Variants in CFAP61 observed in about 807,000 individuals in gnomAD.
CFAP61 encodes cilia and flagella associated protein 61.
A neutral mutation model predicts 135.6 loss-of-function variants in CFAP61; 107 were observed. The ratio of observed to expected loss-of-function variants is 0.79; its 90% CI spans 0.67 to 0.93. CFAP61 has a LOEUF of 0.93. CFAP61 is among the 40% of genes least tolerant of loss of function. The pLI is 0.00. For synonymous variants in CFAP61, 575 were observed against 578.5 expected, an observed-to-expected ratio of 0.99 and a Z score of 0.09; for missense variants, 1,507 against 1,556.2, an observed-to-expected ratio of 0.97 and a Z score of 0.53.
intron 8 of CFAP61, among the ~76,000 whole-genome samples, chr20:20,135,417 C>T (rs1362556313): frequency 6.6e-6 from 1 of 152,134 alleles, no homozygotes; most frequent in Non-Finnish European, 1.5e-5. Context: ...CCAACCATGG[C>T]ACAAAAACAT....
chr20:20,284,224 T>C (rs2054406023), intron 22 of CFAP61, among the ~76,000 whole-genome samples: 1 of 152,068 alleles, frequency 6.6e-6, no homozygotes, highest in Non-Finnish European at 1.5e-5. Context: ...ATTAGAGTAT[T>C]TTTTAGTAGT....
rs1016402123 is a variant in CFAP61, at chr20:20,228,286, C to T, written c.1970C>T (p.Thr657Ile). Residue 657 changes from threonine to isoleucine, a missense_variant, in exon 18 of 27, where the codon ACA becomes ATA. Thr to Ile is a moderately conservative substitution (Grantham distance 89). Coordinates refer to ENST00000245957, the MANE Select transcript of CFAP61 (RefSeq NM_015585.4). Reference sequence around the variant, plus strand: ...TTAAACCATACAAACAGAAAACTAACATTGGAACCTAAAATTACTGTCAAT... The same window carrying T: ...TTAAACCATACAAACAGAAAACTAATATTGGAACCTAAAATTACTGTCAAT... ...YALNHTNRKLTLEPKITVNAK... is the reference protein window; with the variant it reads ...YALNHTNRKLILEPKITVNAK... 3 of 1,610,496 alleles carry T rather than the reference C, an allele frequency of 1.9e-6. No individual in the cohort carries two copies. The highest frequency in any genetic ancestry group is 3.3e-5 in the Admixed American group (2 of 60,004).
At chr20:20,209,564 G>A (rs1465157944) in intron 17 of CFAP61, among the ~76,000 whole-genome samples, 1 of 152,142 alleles carries the variant, frequency 6.6e-6, no homozygotes, top group Non-Finnish European at 1.5e-5. Context: ...GTAACCAGGT[G>A]TGCAAAAGGA....
chr20:20,294,320 C>T (rs1481371891), intron 24 of CFAP61, among the ~76,000 whole-genome samples: 1 of 152,218 alleles, frequency 6.6e-6, no homozygotes, highest in Non-Finnish European at 1.5e-5. Flanking sequence ...GCCTGCACTA[C>T]AAGGGTAATT....
intron 23 of CFAP61, 128 bp from the exon 24 acceptor site, chr20:20,290,172 C>A (rs59405436): frequency 0.11 from 72,947 of 673,212 alleles, 4,521 homozygotes; most frequent in African/African-American, 0.19. Context: ...GTTAGTGGTA[C>A]TTTAGTGTGA....
chr20:20,350,348 G>C (rs2058787014), intron 26 of CFAP61, among the ~76,000 whole-genome samples: 1 of 152,204 alleles, frequency 6.6e-6, no homozygotes, highest in Non-Finnish European at 1.5e-5. Context: ...AAGAATTGAG[G>C]CCAGACGTGG....
intron 25 of CFAP61, among the ~76,000 whole-genome samples, chr20:20,308,579 C>T (rs2056621342): frequency 6.6e-6 from 1 of 152,136 alleles, no homozygotes; most frequent in Non-Finnish European, 1.5e-5. Context: ...TTGCCCTATG[C>T]TTATACTTGT....
At position 20,058,802 on chromosome 20, in the gene CFAP61, T is replaced by C. The variant is rs768666616; in HGVS notation, c.143+2006T>C. On this transcript the variant is annotated intron_variant, in intron 2 of 26. Coordinates refer to ENST00000245957, the MANE Select transcript of CFAP61 (RefSeq NM_015585.4). Reference sequence around the variant, plus strand: ...CTGGCTGACATAAATGCAAATCAAGTGTGAAGGGATGCAGCTTCAGCTCAG... The same window carrying C: ...CTGGCTGACATAAATGCAAATCAAGCGTGAAGGGATGCAGCTTCAGCTCAG... Among the ~76,000 whole-genome samples the C allele has an allele frequency of 3.3e-5, 5 of 152,118 alleles. No individual in the cohort carries two copies. In the East Asian group the frequency reaches 9.6e-4, roughly 29 times the overall value.
At chr20:20,125,306 C>T (rs6075620) in intron 8 of CFAP61, among the ~76,000 whole-genome samples, 28,760 of 151,360 alleles carry the variant, frequency 0.19, 3,170 homozygotes, top group Non-Finnish European at 0.24. Context: ...GAGATGTGAC[C>T]TTAGAATGTC....
chr20:20,085,617 T>C (rs1012201717), intron 6 of CFAP61: 26 of 803,698 alleles, frequency 3.2e-5, no homozygotes, highest in Non-Finnish European at 4.8e-5. Context: ...GGAACCTTTA[T>C]TCCTGATGTT....
chr20:20,307,642 G>A (rs1289890333), intron 25 of CFAP61, among the ~76,000 whole-genome samples: 1 of 152,130 alleles, frequency 6.6e-6, no homozygotes, highest in Non-Finnish European at 1.5e-5. Context: ...ATTCGTGTAT[G>A]TGCTTGCTAT....
At chr20:20,315,668 T>G (rs2057085684) in intron 25 of CFAP61, among the ~76,000 whole-genome samples, 1 of 152,162 alleles carries the variant, frequency 6.6e-6, no homozygotes, top group Non-Finnish European at 1.5e-5. Flanking sequence ...TTTATGGTTT[T>G]AGGTCTAACG....
rs539272085 is a variant in CFAP61, at chr20:20,164,090, A to C, written c.1067A>C (p.Gln356Pro). 5 of 1,614,024 alleles carry C rather than the reference A, an allele frequency of 3.1e-6. No homozygotes were observed. Among genetic ancestry groups the C allele is most frequent in the Admixed American group, 3.3e-5 (2 of 60,020 alleles). Reference sequence around the variant, plus strand: ...AGTGACATCTCCACTGGATATGCACAGTATCACCATGTCAGCAGTAGGAGC... The same window carrying C: ...AGTGACATCTCCACTGGATATGCACCGTATCACCATGTCAGCAGTAGGAGC... ...KLSDISTGYA[Q>P]YHHVSSRSLA... Residue 356 changes from glutamine (Q) to proline (P), a missense_variant, in exon 11 of 27, where the codon CAG becomes CCG. Physicochemically the swap from Gln to Pro is moderately conservative, Grantham distance 76. Coordinates refer to ENST00000245957, the MANE Select transcript of CFAP61 (RefSeq NM_015585.4).
chr20:20,234,071 G>C (rs1355202798), intron 18 of CFAP61, among the ~76,000 whole-genome samples: 1 of 152,104 alleles, frequency 6.6e-6, no homozygotes, highest in African/African-American at 2.4e-5. Context: ...ACCTGTCTTG[G>C]TTTGCATTCT....
intron 17 of CFAP61, chr20:20,200,794 C>G: frequency 1.0e-6 from 1 of 985,426 alleles, no homozygotes; most frequent in African/African-American, 1.7e-5. Context: ...CTCGGCGCTG[C>G]AGGAAGGACA....
At chr20:20,316,090 C>T (rs1335366686) in intron 25 of CFAP61, among the ~76,000 whole-genome samples, 1 of 151,782 alleles carries the variant, frequency 6.6e-6, no homozygotes, top group Non-Finnish European at 1.5e-5. Context: ...TCATTGGTAG[C>T]TTGATGGGGA....
At chr20:20,221,937 T>C (rs2048432880) in intron 17 of CFAP61, 1 of 152,222 alleles carries the variant, frequency 6.6e-6, no homozygotes, top group Admixed American at 6.5e-5. Context: ...TCAACACATA[T>C]TGTGCGTATA....
At chr20:20,135,694 A>G (rs2146731760) in intron 8 of CFAP61, among the ~76,000 whole-genome samples, 1 of 152,306 alleles carries the variant, frequency 6.6e-6, no homozygotes, top group African/African-American at 2.4e-5. Context: ...TTCTATTTAT[A>G]TCTTACTGTA....
chr20:20,138,345 AC>A (rs1202815879), intron 8 of CFAP61, among the ~76,000 whole-genome samples: 1 of 151,938 alleles, frequency 6.6e-6, no homozygotes, highest in African/African-American at 2.4e-5. Context: ...TTTATTTAGG[AC>A]CCCAGAGCAC....
Sources: gnomAD v4.1 joint callset for allele counts (sites outside exome capture counted in the v4.1 genomes callset) on GRCh38, gnomAD v4.1.1 for gene constraint, MANE v1.5 for transcripts, NCBI Gene and HGNC (gene_info 2026-07-23, HGNC 2026-07-21) for gene names.